CDIN1: variants seen among roughly 807,000 people sequenced by gnomAD.
CDIN1 encodes the protein CDAN1 interacting nuclease 1, also known as CDAN1-interacting nuclease 1.
Under a neutral mutation model 45.3 loss-of-function variants are expected in CDIN1, and 33 were observed. The observed-to-expected ratio is 0.73, with a 90% CI of 0.55 to 0.97. The LOEUF is 0.97. CDIN1 is among the 50% of genes least tolerant of loss of function. CDIN1 has a pLI of 0.00. For synonymous variants in CDIN1, 118 were observed against 124.4 expected, an observed-to-expected ratio of 0.95 and a Z score of 0.34; for missense variants, 303 against 339.4, an observed-to-expected ratio of 0.89 and a Z score of 0.84.
intron 3 of CDIN1, among the ~76,000 whole-genome samples, chr15:36,653,717 G>A (rs1256950380): frequency 6.6e-6 from 1 of 152,192 alleles, no homozygotes; most frequent in African/African-American, 2.4e-5. Flanking sequence ...GGCAAGATGG[G>A]TGCATGAATG....
At chr15:36,620,533 G>C (rs1293155249) in intron 1 of CDIN1, among the ~76,000 whole-genome samples, 1 of 151,856 alleles carries the variant, frequency 6.6e-6, no homozygotes, top group Non-Finnish European at 1.5e-5. Context: ...ATCCCCAAAA[G>C]CAAAATAACC....
chr15:36,768,301 C>T (rs1308493886), intron 10 of CDIN1, among the ~76,000 whole-genome samples: 30 of 152,236 alleles, frequency 2.0e-4, no homozygotes. Flanking sequence ...ATCCGTTTAG[C>T]TACTGCCTCA....
rs761451923 is a variant in CDIN1, at chr15:36,774,133, G to GGTGTGTGTGTGTGTGT, written c.717-34175_717-34160dup. ...CACCTGCCGGCAAGTAACTGACAGG[G>GGTGTGTGTGTGTGTGT]GTGTGTGTGTGTGTGTGTGTGTGTG... is the stretch of plus-strand genomic sequence containing the variant. On this transcript the variant is annotated intron_variant, in intron 10 of 10. Transcript: ENST00000566621. Among the ~76,000 whole-genome samples, 165 of 138,828 alleles carry GGTGTGTGTGTGTGTGT rather than the reference G, an allele frequency of 1.2e-3. 1 individual carries two copies. Among genetic ancestry groups the GGTGTGTGTGTGTGTGT allele is most frequent in the African/African-American group, 4.2e-3 (154 of 36,770 alleles). 91.1% of individuals were successfully genotyped at this position (138,828 alleles called of 152,430 possible).
At chr15:36,583,321 G>A (rs12708540) in intron 1 of CDIN1, among the ~76,000 whole-genome samples, 55,482 of 151,950 alleles carry the variant, frequency 0.37, 10,268 homozygotes, top group Middle Eastern at 0.46. Context: ...GAGAGGTGAA[G>A]ATGTAGCTTA....
chr15:36,669,328 C>A (rs1467288734), intron 5 of CDIN1, among the ~76,000 whole-genome samples: 2 of 152,000 alleles, frequency 1.3e-5, no homozygotes, highest in African/African-American at 4.8e-5. Context: ...TCAAAAGTAA[C>A]AGGGGTTGAT....
At chr15:36,597,813 T>C (rs1264009251) in intron 1 of CDIN1, among the ~76,000 whole-genome samples, 1 of 152,150 alleles carries the variant, frequency 6.6e-6, no homozygotes, top group Non-Finnish European at 1.5e-5. Flanking sequence ...TGTCATCTGA[T>C]GGTAAGGTCA....
At chr15:36,734,465 A>G (rs2043945016) in intron 10 of CDIN1, 2 of 344,920 alleles carry the variant, frequency 5.8e-6, no homozygotes, top group South Asian at 5.0e-5. Context: ...AATTAACAGT[A>G]TATCTCCAAG....
At chr15:36,595,158 G>A (rs1438440414) in intron 1 of CDIN1, among the ~76,000 whole-genome samples, 1 of 151,786 alleles carries the variant, frequency 6.6e-6, no homozygotes, top group Non-Finnish European at 1.5e-5. Context: ...GAATTTTTAA[G>A]CAGTTTGTGC....
intron 1 of CDIN1, among the ~76,000 whole-genome samples, chr15:36,594,516 G>A (rs1358956409): frequency 2.6e-5 from 4 of 152,168 alleles, no homozygotes; most frequent in East Asian, 3.9e-4. Context: ...CTTTTTGGAC[G>A]ATTGTATTCT....
At chr15:36,805,009 A>T (rs2055181921) in intron 10 of CDIN1, among the ~76,000 whole-genome samples, 1 of 151,984 alleles carries the variant, frequency 6.6e-6, no homozygotes, top group African/African-American at 2.4e-5. Flanking sequence ...ATAAGGGGTC[A>T]TTACTTATGA....
intron 10 of CDIN1, among the ~76,000 whole-genome samples, chr15:36,805,292 C>T (rs765451216): frequency 3.9e-5 from 6 of 152,106 alleles, no homozygotes; most frequent in Admixed American, 2.6e-4. Context: ...TTCAGATGTC[C>T]GTGGACACCC....
chr15:36,717,676 T>C (rs2043261725), intron 10 of CDIN1, among the ~76,000 whole-genome samples: 1 of 152,146 alleles, frequency 6.6e-6, no homozygotes, highest in Non-Finnish European at 1.5e-5. Context: ...AAAGATGTAA[T>C]GTAATCATTT....
intron 4 of CDIN1, among the ~76,000 whole-genome samples, chr15:36,657,540 A>G (rs186093210): frequency 6.6e-6 from 1 of 152,150 alleles, no homozygotes; most frequent in Non-Finnish European, 1.5e-5. Context: ...TTGAGGAGAG[A>G]TGAAAAAAGC....
At chr15:36,640,418 A>C (rs2040061888) in intron 1 of CDIN1, among the ~76,000 whole-genome samples, 1 of 152,140 alleles carries the variant, frequency 6.6e-6, no homozygotes, top group African/African-American at 2.4e-5. Flanking sequence ...ATCCAAGTAT[A>C]ATGCTTTGTA....
intron 1 of CDIN1, among the ~76,000 whole-genome samples, chr15:36,581,475 C>G (rs1001964288): frequency 6.6e-6 from 1 of 152,144 alleles, no homozygotes; most frequent in Admixed American, 6.5e-5. Flanking sequence ...ATACTCAAAT[C>G]TTTTTCACTT....
intron 1 of CDIN1, chr15:36,618,870 G>A (rs2039021909): frequency 3.0e-6 from 3 of 1,003,262 alleles, no homozygotes; most frequent in Admixed American, 3.4e-5. Flanking sequence ...AAGCCATGGA[G>A]GGCAAGTACT....
intron 1 of CDIN1, among the ~76,000 whole-genome samples, chr15:36,626,120 T>A (rs561080774): frequency 2.3e-4 from 35 of 151,538 alleles, no homozygotes; most frequent in African/African-American, 7.2e-4. Flanking sequence ...TTGCATGTAT[T>A]AAATATTATG....
Position 36,703,329 on chromosome 15 carries a change from A to T in CDIN1, c.545-5894A>T, listed in dbSNP as rs1323311427. 3.8e-5 allele frequency among the ~76,000 whole-genome samples: 5 copies of T among 130,220 alleles called. 1 individual carries two copies. Among genetic ancestry groups the T allele is most frequent in the South Asian group, 2.4e-4 (1 of 4,132 alleles). The allele number at this position is 130,220 out of a possible 152,430, so 85.4% of individuals were successfully genotyped here. Reference sequence around the variant, plus strand: ...GATCTATCAGATATATACATATATCAGATAGATCTATCAGATATATACATA... The same window carrying T: ...GATCTATCAGATATATACATATATCTGATAGATCTATCAGATATATACATA... On this transcript the variant is annotated intron_variant, in intron 8 of 10. Coordinates refer to ENST00000566621, the MANE Select transcript of CDIN1 (RefSeq NM_001321759.2).
chr15:36,796,007 C>T (rs904263558), intron 10 of CDIN1, among the ~76,000 whole-genome samples: 9 of 152,148 alleles, frequency 5.9e-5, no homozygotes, highest in Non-Finnish European at 1.0e-4. Context: ...CTCAGTTCTG[C>T]GTTACAAATT....
Sources: allele counts gnomAD v4.1 joint callset (sites outside exome capture counted in the v4.1 genomes callset), GRCh38; gene constraint gnomAD v4.1.1; transcripts MANE v1.5; gene names NCBI Gene and HGNC (gene_info 2026-07-23, HGNC 2026-07-21).